Variants in XKR9 observed in about 807,000 individuals in gnomAD.
XKR9 encodes XK related 9.
A neutral mutation model predicts 32.0 loss-of-function variants in XKR9; 32 were observed. The ratio of observed to expected loss-of-function variants is 1.00; its 90% confidence interval spans 0.76 to 1.34. The LOEUF (loss-of-function observed/expected upper bound fraction) is 1.34, where lower values mean the gene tolerates loss of function less well. Ranked by LOEUF, XKR9 falls within the 40% of genes most tolerant of loss-of-function variation. XKR9 has a pLI of 0.00. For synonymous variants in XKR9, 168 were observed against 143.4 expected, an observed-to-expected ratio of 1.17 and a Z score of -1.22; for missense variants, 546 against 429.7, an observed-to-expected ratio of 1.27 and a Z score of -2.39.
chr8:70,811,751 A>G, the XKR9 span, among the ~76,000 whole-genome samples: 1 of 152,224 alleles, frequency 6.6e-6, no homozygotes, highest in Non-Finnish European at 1.5e-5. Context: ...GAAGAAGTTG[A>G]ATCTCAGAAT....
intron 2 of XKR9, among the ~76,000 whole-genome samples, chr8:70,776,923 T>TCCCTCTCTCTC (rs1563477157): frequency 3.4e-5 from 2 of 59,618 alleles, no homozygotes; most frequent in Non-Finnish European, 6.4e-5. Context: ...TTCTCTTTCT[T>TCCCTCTCTCTC]TCTCTCTCTC....
At chr8:70,761,562 A>T (rs1454364121) in intron 2 of XKR9, among the ~76,000 whole-genome samples, 1 of 151,966 alleles carries the variant, frequency 6.6e-6, no homozygotes, top group African/African-American at 2.4e-5. Context: ...TTTTTCTTGT[A>T]AATTTGTTTA....
At chr8:70,829,329 A>G in the XKR9 span, among the ~76,000 whole-genome samples, 1 of 152,198 alleles carries the variant, frequency 6.6e-6, no homozygotes, top group Non-Finnish European at 1.5e-5. Flanking sequence ...TGTTGCTATT[A>G]CATACTTTTA....
chr8:70,983,681 T>C, the XKR9 span, among the ~76,000 whole-genome samples: 1 of 152,020 alleles, frequency 6.6e-6, no homozygotes, highest in Non-Finnish European at 1.5e-5. Flanking sequence ...CTCAGGAGGC[T>C]GAGGCAGGAG....
At chr8:70,990,175 G>A in the XKR9 span, among the ~76,000 whole-genome samples, 3 of 152,082 alleles carry the variant, frequency 2.0e-5, no homozygotes, top group African/African-American at 7.2e-5. Flanking sequence ...GAAGTTATTT[G>A]GATAATCAAG....
chr8:70,930,416 C>T, the XKR9 span, among the ~76,000 whole-genome samples: 2 of 152,182 alleles, frequency 1.3e-5, no homozygotes, highest in East Asian at 3.9e-4. Context: ...AGTTATTTAC[C>T]ACTTTGGTAT....
intron 2 of XKR9, among the ~76,000 whole-genome samples, chr8:70,742,116 C>T (rs1036305330): frequency 1.3e-5 from 2 of 152,028 alleles, no homozygotes; most frequent in African/African-American, 4.8e-5. Context: ...GGAGAACTCT[C>T]TATATTTAAT....
At chr8:70,940,862 T>A in the XKR9 span, among the ~76,000 whole-genome samples, 30 of 152,272 alleles carry the variant, frequency 2.0e-4, no homozygotes, top group East Asian at 4.8e-3. Flanking sequence ...TTGGCTTAGA[T>A]GTGGTCTTCT....
intron 2 of XKR9, among the ~76,000 whole-genome samples, chr8:70,745,190 G>A (rs566037081): frequency 7.6e-6 from 1 of 131,190 alleles, no homozygotes; most frequent in East Asian, 1.9e-4. Flanking sequence ...CTGGTCAGAT[G>A]TTTTGGCTAA....
At chr8:70,855,167 A>G in the XKR9 span, among the ~76,000 whole-genome samples, 1 of 152,140 alleles carries the variant, frequency 6.6e-6, no homozygotes, top group African/African-American at 2.4e-5. Context: ...GCTTCAGATG[A>G]TCAAACTACT....
chr8:70,751,214 G>A (rs759121374), intron 2 of XKR9, among the ~76,000 whole-genome samples: 1 of 152,140 alleles, frequency 6.6e-6, no homozygotes, highest in African/African-American at 2.4e-5. Flanking sequence ...TGCAGCCTCC[G>A]CCTCCTGGGG....
chr8:70,831,223 G>A, the XKR9 span, among the ~76,000 whole-genome samples: 114 of 151,266 alleles, frequency 7.5e-4, no homozygotes, highest in African/African-American at 2.6e-3. Context: ...CCTGGGAGAC[G>A]GAGGTTGCAG....
the XKR9 span, among the ~76,000 whole-genome samples, chr8:70,829,090 T>C: frequency 6.6e-6 from 1 of 152,240 alleles, no homozygotes; most frequent in South Asian, 2.1e-4. Flanking sequence ...TATTGTCATA[T>C]AGGCTTTTGT....
chr8:70,898,760 T>C, the XKR9 span, among the ~76,000 whole-genome samples: 1 of 152,166 alleles, frequency 6.6e-6, no homozygotes. Context: ...TGTTCTTATT[T>C]TATCATAATT....
chr8:70,956,442 C>T, the XKR9 span, among the ~76,000 whole-genome samples: 5 of 152,072 alleles, frequency 3.3e-5, no homozygotes, highest in African/African-American at 7.2e-5. Context: ...TCCAATTGGC[C>T]GAACTGTCAT....
the XKR9 span, among the ~76,000 whole-genome samples, chr8:70,962,793 CTCTG>C: frequency 6.6e-6 from 1 of 152,178 alleles, no homozygotes; most frequent in East Asian, 1.9e-4. Flanking sequence ...TCCCTTATTT[CTCTG>C]TCTCTCATTC....
chr8:70,876,487 T>A, the XKR9 span, among the ~76,000 whole-genome samples: 1 of 152,140 alleles, frequency 6.6e-6, no homozygotes, highest in East Asian at 1.9e-4. Flanking sequence ...GACTCTTGCA[T>A]AGAATTGACT....
chr8:71,007,563 T>C, the XKR9 span, among the ~76,000 whole-genome samples: 1 of 151,604 alleles, frequency 6.6e-6, no homozygotes, highest in African/African-American at 2.4e-5. Context: ...TAAAAATGTG[T>C]CACAAAATTA....
At chr8:70,967,316 A>C in the XKR9 span, among the ~76,000 whole-genome samples, 1 of 151,900 alleles carries the variant, frequency 6.6e-6, no homozygotes, top group Non-Finnish European at 1.5e-5. Context: ...TGATTCGCCC[A>C]CCTCGGCCTC....
Sources: gnomAD v4.1 joint callset for allele counts (sites outside exome capture counted in the v4.1 genomes callset) on GRCh38, gnomAD v4.1.1 for gene constraint, MANE v1.5 for transcripts, NCBI Gene and HGNC (gene_info 2026-07-23, HGNC 2026-07-21) for gene names.